The following EXOC4 variants were observed in gnomAD, a reference collection of about 807,000 sequenced individuals.
EXOC4 encodes SEC8-like 1.
In EXOC4, 71 loss-of-function variants were observed where a neutral mutation model predicts 107.2. That is an observed-to-expected ratio of 0.66 (90% CI 0.55 to 0.81). The LOEUF (loss-of-function observed/expected upper bound fraction) is 0.81. Among genes scored for constraint, EXOC4 ranks in the 30% least tolerant of loss-of-function variants. The pLI is 0.00. For synonymous variants in EXOC4, 456 were observed against 441.2 expected (o/e 1.03, Z -0.42); for missense variants, 1,108 against 1,189.6 (o/e 0.93, Z 1.01).
intron 16 of EXOC4, among the ~76,000 whole-genome samples, chr7:134,005,612 GC>G (rs1794627421): frequency 6.6e-6 from 1 of 152,126 alleles, no homozygotes; most frequent in Non-Finnish European, 1.5e-5. Context: ...GACAGGAAGT[GC>G]CATCTAAAGA....
chr7:133,371,986 G>T (rs1796387393), intron 6 of EXOC4, among the ~76,000 whole-genome samples: 1 of 152,124 alleles, frequency 6.6e-6, no homozygotes, highest in Non-Finnish European at 1.5e-5. Flanking sequence ...GATGGCTAAA[G>T]ATGTTAAGCA....
intron 10 of EXOC4, among the ~76,000 whole-genome samples, chr7:133,753,303 T>C (rs542837126): frequency 6.6e-6 from 1 of 152,232 alleles, no homozygotes; most frequent in Non-Finnish European, 1.5e-5. Context: ...CTGAATCTGC[T>C]ACCTTACTGT....
chr7:133,458,417 AG>A (rs1394127187), intron 7 of EXOC4, among the ~76,000 whole-genome samples: 2 of 152,222 alleles, frequency 1.3e-5, no homozygotes, highest in Admixed American at 6.5e-5. Flanking sequence ...TTGGAGTTTG[AG>A]GAGATGTCAT....
chr7:133,477,123 G>A (rs770123387), intron 8 of EXOC4, among the ~76,000 whole-genome samples: 9 of 152,050 alleles, frequency 5.9e-5, no homozygotes, highest in Non-Finnish European at 1.2e-4. Context: ...TCTTGTATTA[G>A]CGTCTGTTTG....
intron 4 of EXOC4, among the ~76,000 whole-genome samples, chr7:133,313,499 AC>A (rs1794923433): frequency 1.3e-5 from 2 of 152,230 alleles, no homozygotes; most frequent in Non-Finnish European, 2.9e-5. Flanking sequence ...TATTCGATTT[AC>A]AACTTAAAGT....
In EXOC4 at chr7:133,289,028, T is replaced by C. The variant is rs1389076465; in HGVS notation, c.383T>C (p.Leu128Ser). Residue 128 changes from leucine (L) to serine (S), a missense_variant, in exon 3 of 18, where the codon TTG (leucine) becomes TCG (serine). Coordinates refer to ENST00000253861, the MANE Select transcript of EXOC4 (RefSeq NM_021807.4). ...GIEHKHVLNL[L>S]DEIENIKQVP... ...GAGCATAAGCATGTCCTGAACTTGT[T>C]GGATGAAATTGAGAATATCAAGCAA... The C allele has an allele frequency of 6.2e-7, 1 of 1,614,196 alleles. No individual in the cohort carries two copies. The highest frequency in any genetic ancestry group is 1.7e-5 in the Admixed American group (1 of 60,028).
intron 7 of EXOC4, among the ~76,000 whole-genome samples, chr7:133,423,701 T>C (rs1365881454): frequency 1.3e-5 from 2 of 152,208 alleles, no homozygotes; most frequent in Non-Finnish European, 2.9e-5. Flanking sequence ...TCTTTGGGGC[T>C]GGCAGAGGCT....
At chr7:133,962,128 C>T (rs963708887) in intron 14 of EXOC4, among the ~76,000 whole-genome samples, 6 of 152,198 alleles carry the variant, frequency 3.9e-5, no homozygotes, top group African/African-American at 1.4e-4. Flanking sequence ...CCTGAGGTCA[C>T]ACATCAAGGT....
At chr7:133,690,345 G>A (rs191661560) in intron 10 of EXOC4, among the ~76,000 whole-genome samples, 1 of 152,188 alleles carries the variant, frequency 6.6e-6, no homozygotes, top group African/African-American at 2.4e-5. Flanking sequence ...AAAAGCCCTC[G>A]TGAGATACCT....
chr7:133,784,155 T>C (rs941726476), intron 10 of EXOC4, among the ~76,000 whole-genome samples: 1 of 152,180 alleles, frequency 6.6e-6, no homozygotes, highest in Admixed American at 6.5e-5. Flanking sequence ...TATAGGCTTC[T>C]CTTTGCTCAT....
chr7:133,825,734 G>A (rs2151230375), intron 11 of EXOC4, among the ~76,000 whole-genome samples: 1 of 152,210 alleles, frequency 6.6e-6, no homozygotes, highest in South Asian at 2.1e-4. Context: ...CTTCCACTCT[G>A]GTAGAGAATA....
intron 3 of EXOC4, among the ~76,000 whole-genome samples, chr7:133,294,556 A>C (rs1794476694): frequency 6.6e-6 from 1 of 152,254 alleles, no homozygotes; most frequent in East Asian, 1.9e-4. Flanking sequence ...CCTTTTAAAA[A>C]GAATCCATAG....
intron 7 of EXOC4, among the ~76,000 whole-genome samples, chr7:133,472,848 T>A (rs1463509207): frequency 6.6e-6 from 1 of 152,094 alleles, no homozygotes; most frequent in Non-Finnish European, 1.5e-5. Context: ...ACTTTACTGA[T>A]GATAAGGGGA....
At chr7:133,737,524 A>G (rs1795469296) in intron 10 of EXOC4, among the ~76,000 whole-genome samples, 1 of 151,800 alleles carries the variant, frequency 6.6e-6, no homozygotes, top group Admixed American at 6.6e-5. Context: ...GATCTACCTC[A>G]TGTTATTAGA....
chr7:133,281,655 C>T (rs1156362590), intron 2 of EXOC4, among the ~76,000 whole-genome samples: 3 of 151,108 alleles, frequency 2.0e-5, no homozygotes, highest in Non-Finnish European at 4.4e-5. Context: ...GAGGCATTTC[C>T]TCCCTTCTTT....
At chr7:133,707,166 G>C (rs1794785898) in intron 10 of EXOC4, among the ~76,000 whole-genome samples, 1 of 152,030 alleles carries the variant, frequency 6.6e-6, no homozygotes, top group South Asian at 2.1e-4. Flanking sequence ...TGCTTTGAAG[G>C]ATCTGTATTG....
chr7:133,391,171 GAAAATATAAAGT>G (rs1796844063), intron 7 of EXOC4, among the ~76,000 whole-genome samples: 1 of 152,148 alleles, frequency 6.6e-6, no homozygotes. Context: ...GAAGGGTTTT[GAAAATATAAAGT>G]AAAATATAAA....
intron 10 of EXOC4, among the ~76,000 whole-genome samples, chr7:133,801,976 A>G (rs1796954849): frequency 6.6e-6 from 1 of 152,240 alleles, no homozygotes; most frequent in African/African-American, 2.4e-5. Flanking sequence ...TTCTAAAACT[A>G]CCAAAATATA....
chr7:133,666,747 T>G (rs1174929205), intron 10 of EXOC4, among the ~76,000 whole-genome samples: 1 of 152,200 alleles, frequency 6.6e-6, no homozygotes, highest in African/African-American at 2.4e-5. Flanking sequence ...GTAAGAGTGA[T>G]TGCCACAATA....
Sources: allele counts gnomAD v4.1 joint callset (sites outside exome capture counted in the v4.1 genomes callset), GRCh38; gene constraint gnomAD v4.1.1; transcripts MANE v1.5; gene names NCBI Gene and HGNC (gene_info 2026-07-23, HGNC 2026-07-21).